NTRK2: variants seen among roughly 807,000 people sequenced by gnomAD.
The protein encoded by NTRK2 is BDNF/NT-3 growth factors receptor.
Under a neutral mutation model 94.5 loss-of-function variants are expected in NTRK2, and 13 were observed. The ratio of observed to expected loss-of-function variants is 0.14; its 90% CI spans 0.09 to 0.22. The LOEUF (loss-of-function observed/expected upper bound fraction) is 0.22. NTRK2 is among the 10% of genes least tolerant of loss of function. NTRK2 has a pLI of 1.00. For synonymous variants in NTRK2, 372 were observed against 407.4 expected, an observed-to-expected ratio of 0.91 and a Z score of 1.05; for missense variants, 639 against 1,071.2, an observed-to-expected ratio of 0.60 and a Z score of 5.63.
chr9:84,766,122 A>T (rs2066001023), intron 12 of NTRK2, among the ~76,000 whole-genome samples: 1 of 152,190 alleles, frequency 6.6e-6, no homozygotes, highest in African/African-American at 2.4e-5. Flanking sequence ...GCTATGACTG[A>T]AAGTGAAGCA....
rs536445167 is a variant in NTRK2, at chr9:84,675,324, C to CTTTTTTTTTTTTTTT, written c.212+4377_212+4391dup. ...CTCTTCTCCTTTCTTTCTTTCTTTC[C>CTTTTTTTTTTTTTTT]TTTTTTTTTTTTTTTTTTTTTTTTT... On this transcript the variant is annotated intron_variant, in intron 2 of 18. Coordinates refer to ENST00000277120, the MANE Select transcript of NTRK2 (RefSeq NM_006180.6). Among the ~76,000 whole-genome samples the CTTTTTTTTTTTTTTT allele has an allele frequency of 1.6e-4, 11 of 67,324 alleles. 1 individual carries two copies. The highest frequency in any genetic ancestry group is 5.3e-4 in the East Asian group (1 of 1,888). The allele number at this position is 67,324 out of a possible 152,430, so 44.2% of individuals were successfully genotyped here. A position where few individuals can be genotyped will look rare whatever the true frequency, so the allele number is the denominator to read the frequency against.
At chr9:84,776,441 C>G (rs1423717838) in intron 12 of NTRK2, among the ~76,000 whole-genome samples, 1 of 152,168 alleles carries the variant, frequency 6.6e-6, no homozygotes, top group Admixed American at 6.5e-5. Flanking sequence ...AGGCTGGTGT[C>G]GAACTCCTGA....
intron 11 of NTRK2, among the ~76,000 whole-genome samples, chr9:84,749,883 T>C (rs1345362807): frequency 2.6e-5 from 4 of 152,202 alleles, no homozygotes; most frequent in Non-Finnish European, 4.4e-5. Flanking sequence ...CAGAATAAGC[T>C]ATGCTGCAGT....
chr9:84,893,360 C>G (rs183830876), intron 14 of NTRK2, among the ~76,000 whole-genome samples: 1 of 152,356 alleles, frequency 6.6e-6, no homozygotes, highest in African/African-American at 2.4e-5. Context: ...CCTCTTTGTG[C>G]TGGATCCAGA....
At position 84,948,654 on chromosome 9, in the gene NTRK2, T is replaced by A. The variant is rs746269823; in HGVS notation, c.1937+20T>A. ...CCTCAGGTACAGTGAGGCGGGGAGG[T>A]GGGCTCCAGGAGGGAGCAGGCCTTC... is the stretch of plus-strand genomic sequence containing the variant. On this transcript the variant is annotated intron_variant, in intron 16 of 18. Transcript: ENST00000277120. The A allele has an allele frequency of 2.5e-6, 4 of 1,613,200 alleles. No individual in the cohort carries two copies. The Admixed American group carries it at 6.7e-5, about 27-fold the overall frequency.
At position 84,727,700 on chromosome 9, in the gene NTRK2, C is replaced by T. The variant is rs759394110; in HGVS notation, c.900C>T (p.His300=). 3 of 1,613,526 alleles carry T rather than the reference C, an allele frequency of 1.9e-6. No homozygotes were observed. The highest frequency in any genetic ancestry group is 2.5e-6 in the Non-Finnish European group (3 of 1,180,008). ...TCGAATCTCCAACCTCAGACCACCA[C>T]TGGTGCATTCCATTCACTGTGAAAG... is the stretch of plus-strand genomic sequence containing the variant. The part of the protein sequence containing the change: ...TFLESPTSDH[H]WCIPFTVKGN... The change falls in exon 9 of 19, where the codon CAC becomes CAT. Residue 300 remains histidine (H), a synonymous_variant. Coordinates refer to ENST00000277120, the MANE Select transcript of NTRK2 (RefSeq NM_006180.6).
At chr9:84,786,691 A>G (rs532299646) in intron 12 of NTRK2, among the ~76,000 whole-genome samples, 17 of 152,294 alleles carry the variant, frequency 1.1e-4, no homozygotes, top group Admixed American at 5.2e-4. Context: ...ATCTTGGTTC[A>G]GAGGAAGGCT....
At chr9:84,852,498 CTTA>C (rs1024261786) in intron 12 of NTRK2, among the ~76,000 whole-genome samples, 5 of 152,180 alleles carry the variant, frequency 3.3e-5, no homozygotes, top group African/African-American at 1.2e-4. Context: ...TCTGTCAACT[CTTA>C]TTATTAAGCA....
intron 14 of NTRK2, among the ~76,000 whole-genome samples, chr9:84,899,682 T>A (rs1053583030): frequency 7.2e-5 from 11 of 152,220 alleles, no homozygotes; most frequent in African/African-American, 2.4e-4. Context: ...GTGTTTCCTG[T>A]TCCTGTTGTT....
At chr9:84,906,380 G>C (rs1020895976) in intron 14 of NTRK2, among the ~76,000 whole-genome samples, 1 of 152,134 alleles carries the variant, frequency 6.6e-6, no homozygotes, top group South Asian at 2.1e-4. Context: ...GCATGTGAGA[G>C]AAAAAGTGTA....
intron 12 of NTRK2, among the ~76,000 whole-genome samples, chr9:84,755,525 C>CT (rs745611460): frequency 0.065 from 3,905 of 60,526 alleles, 548 homozygotes; most frequent in Non-Finnish European, 0.089. Context: ...AGTCCCACCT[C>CT]TTTTTTTTTT....
intron 12 of NTRK2, among the ~76,000 whole-genome samples, chr9:84,783,025 A>T (rs1020711809): frequency 6.6e-6 from 1 of 152,162 alleles, no homozygotes; most frequent in African/African-American, 2.4e-5. Flanking sequence ...CTTCCAGTAG[A>T]TATTCCAGAA....
rs554893830 is a variant in NTRK2, at chr9:84,770,873, G to C, written c.1396+18788G>C. Among the ~76,000 whole-genome samples, 53 of 152,262 alleles carry C rather than the reference G, an allele frequency of 3.5e-4. 1 individual carries two copies. Among genetic ancestry groups the C allele is most frequent in the African/African-American group, 1.3e-3 (52 of 41,558 alleles). On this transcript the variant is annotated intron_variant, in intron 12 of 18. Transcript: ENST00000277120. ...GAACCACAATACAAGCCCAGATCTT[G>C]TGATGTTGATGTGTTAGCTCTTCCA... is the stretch of plus-strand genomic sequence containing the variant.
rs1309750206 is a variant in NTRK2 at position 84,698,155 on chromosome 9, C to T, written c.213-4004C>T. Among the ~76,000 whole-genome samples, 3 of 151,468 alleles carry T rather than the reference C, an allele frequency of 2.0e-5. No homozygotes were observed. In the East Asian group the frequency reaches 5.8e-4, roughly 29 times the overall value. On this transcript the variant is annotated intron_variant, in intron 2 of 18. Coordinates refer to ENST00000277120, the MANE Select transcript of NTRK2 (RefSeq NM_006180.6). ...TGTATGTGTGTGTGTGTGTGTAACC[C>T]CAGACCCATTCTCCTTTCCCAAGGC... is the stretch of plus-strand genomic sequence containing the variant.
intron 12 of NTRK2, chr9:84,811,831 A>G (rs2071830439): frequency 6.6e-6 from 7 of 1,065,210 alleles, no homozygotes; most frequent in Non-Finnish European, 8.0e-6. Context: ...TCACTTTAGC[A>G]TCACAGTGAC....
chr9:84,759,625 TC>T (rs1167037066), intron 12 of NTRK2, among the ~76,000 whole-genome samples: 1 of 152,242 alleles, frequency 6.6e-6, no homozygotes, highest in Non-Finnish European at 1.5e-5. Flanking sequence ...TGTTACCACT[TC>T]TTTGGTCTTC....
intron 17 of NTRK2, among the ~76,000 whole-genome samples, chr9:85,013,160 C>T (rs1479376622): frequency 6.6e-6 from 1 of 152,168 alleles, no homozygotes; most frequent in Non-Finnish European, 1.5e-5. Flanking sequence ...TTTCTACCCA[C>T]AAAGTATCCC....
chr9:84,822,754 A>G (rs964866396), intron 12 of NTRK2, among the ~76,000 whole-genome samples: 2 of 152,144 alleles, frequency 1.3e-5, no homozygotes, highest in Middle Eastern at 6.8e-3. Flanking sequence ...CTGCCTTTAT[A>G]TTTCCACCAC....
intron 17 of NTRK2, among the ~76,000 whole-genome samples, chr9:84,984,199 A>C (rs988406055): frequency 1.3e-5 from 2 of 152,156 alleles, no homozygotes; most frequent in African/African-American, 4.8e-5. Context: ...AGGGCCGGGC[A>C]TGTTGGCTCA....
Sources: gnomAD v4.1 joint callset for allele counts (sites outside exome capture counted in the v4.1 genomes callset) on GRCh38, gnomAD v4.1.1 for gene constraint, MANE v1.5 for transcripts, NCBI Gene and HGNC (gene_info 2026-07-23, HGNC 2026-07-21) for gene names.